KSR2: variants seen among roughly 807,000 people sequenced by gnomAD.
The protein encoded by KSR2 is kinase suppressor of ras 2.
KSR2 carries 25 observed loss-of-function variants against 107.8 expected under a neutral mutation model. The ratio of observed to expected loss-of-function variants is 0.23; its 90% CI spans 0.17 to 0.32. KSR2 has a LOEUF of 0.32. Ranked by LOEUF, KSR2 falls within the 10% of genes least tolerant of loss-of-function variation. The pLI is 1.00. For synonymous variants in KSR2, 480 were observed against 507.0 expected (o/e 0.95, Z 0.71); for missense variants, 887 against 1,268.9 (o/e 0.70, Z 4.57).
intron 3 of KSR2, among the ~76,000 whole-genome samples, chr12:117,779,150 G>C (rs1360207213): frequency 1.3e-5 from 2 of 152,162 alleles, no homozygotes; most frequent in Non-Finnish European, 2.9e-5. Flanking sequence ...ACATAGTCTT[G>C]ACCTAGAGGC....
At chr12:117,953,057 C>A (rs1040792479) in intron 1 of KSR2, among the ~76,000 whole-genome samples, 3 of 151,318 alleles carry the variant, frequency 2.0e-5, no homozygotes, top group Non-Finnish European at 2.9e-5. Context: ...TCCAAAGAAG[C>A]TATACAGATG....
At chr12:117,535,027 T>C (rs1360000039) in intron 10 of KSR2, among the ~76,000 whole-genome samples, 20 of 152,200 alleles carry the variant, frequency 1.3e-4, no homozygotes, top group Admixed American at 1.3e-3. Context: ...TGTGTGCTTT[T>C]AAGCCACAAA....
chr12:117,633,091 C>T (rs552975509), intron 5 of KSR2, among the ~76,000 whole-genome samples: 7 of 152,252 alleles, frequency 4.6e-5, no homozygotes, highest in Non-Finnish European at 8.8e-5. Flanking sequence ...TGGAGCATAC[C>T]CCTTTTGCAT....
At chr12:117,859,297 C>A (rs1893205243) in intron 2 of KSR2, among the ~76,000 whole-genome samples, 1 of 151,772 alleles carries the variant, frequency 6.6e-6, no homozygotes, top group Non-Finnish European at 1.5e-5. Flanking sequence ...AGGCGTGCAC[C>A]ACCATGCCCG....
chr12:117,811,463 G>A (rs1322740742), intron 3 of KSR2, among the ~76,000 whole-genome samples: 1 of 152,202 alleles, frequency 6.6e-6, no homozygotes, highest in East Asian at 1.9e-4. Context: ...CCAGACATAT[G>A]GAGTCAGAAA....
At chr12:117,707,039 T>C (rs1425415996) in intron 4 of KSR2, among the ~76,000 whole-genome samples, 1 of 152,218 alleles carries the variant, frequency 6.6e-6, no homozygotes, top group Admixed American at 6.5e-5. Context: ...TGTGTGTGTG[T>C]GCAAAATGGA....
At chr12:117,671,747 G>T (rs1002231) in intron 4 of KSR2, among the ~76,000 whole-genome samples, 2 of 151,986 alleles carry the variant, frequency 1.3e-5, no homozygotes, top group African/African-American at 4.8e-5. Context: ...GCTTAAGAGC[G>T]CTTGGTTCAA....
At chr12:117,596,993 A>C (rs911788454) in intron 5 of KSR2, among the ~76,000 whole-genome samples, 2 of 152,058 alleles carry the variant, frequency 1.3e-5, no homozygotes, top group African/African-American at 4.8e-5. Flanking sequence ...TCTTCCATAC[A>C]CCGTTTTTGG....
In KSR2 at chr12:117,524,937, T is replaced by C; in HGVS notation, c.2134A>G (p.Met712Val). 1 of 1,613,900 alleles carries C rather than the reference T, an allele frequency of 6.2e-7. No homozygotes were observed. The highest frequency in any genetic ancestry group is 8.5e-7 in the Non-Finnish European group (1 of 1,179,866). The change falls in exon 14 of 20, where the codon ATG (methionine) becomes GTG (valine). Residue 712 changes from methionine (M) to valine (V), a missense_variant. By Grantham distance (21) the Met-to-Val change is conservative. Coordinates refer to ENST00000339824, the MANE Select transcript of KSR2 (RefSeq NM_173598.6). ...TCATGCCGTGTCTGCCTGTAGGCCA[T>C]CACCTCCCGCTTGAAGGCCTTGAGC... The part of the protein sequence containing the change: ...DQLKAFKREV[M>V]AYRQTRHENV...
chr12:117,802,958 C>T (rs1406799310), intron 3 of KSR2, among the ~76,000 whole-genome samples: 1 of 152,232 alleles, frequency 6.6e-6, no homozygotes, highest in African/African-American at 2.4e-5. Context: ...TGCCATTTGA[C>T]TGATAATTGC....
chr12:117,723,849 T>C (rs1887307373), intron 4 of KSR2, among the ~76,000 whole-genome samples: 1 of 152,178 alleles, frequency 6.6e-6, no homozygotes, highest in Non-Finnish European at 1.5e-5. Flanking sequence ...GTTATGCAAA[T>C]AACATTTATT....
At chr12:117,738,078 A>G (rs1888013787) in intron 4 of KSR2, among the ~76,000 whole-genome samples, 1 of 152,174 alleles carries the variant, frequency 6.6e-6, no homozygotes, top group Admixed American at 6.5e-5. Flanking sequence ...TATTGGGCAG[A>G]AGACAACACT....
chr12:117,454,225 G>T lies in KSR2; in HGVS notation c.*12974C>A, dbSNP rs531377082. The T allele has an allele frequency of 6.6e-6, 1 of 152,284 alleles. No individual in the cohort carries two copies. The highest frequency in any genetic ancestry group is 2.1e-4 in the South Asian group (1 of 4,814). The allele number at this position is 152,284 out of a possible 1,614,324, so 9.4% of individuals were successfully genotyped here. A position where few individuals can be genotyped will look rare whatever the true frequency, so the allele number is the denominator to read the frequency against. On this transcript the variant is annotated 3_prime_UTR_variant, in exon 20 of 20. Coordinates refer to ENST00000339824, the MANE Select transcript of KSR2 (RefSeq NM_173598.6). ...ATTCACTCCCTCCAATAAACTCAAG[G>T]GTTAGTGATATATTAAGTGCTCGTG... is the stretch of plus-strand genomic sequence containing the variant.
intron 9 of KSR2, among the ~76,000 whole-genome samples, chr12:117,548,033 G>C (rs1041480570): frequency 6.6e-6 from 1 of 152,044 alleles, no homozygotes; most frequent in Non-Finnish European, 1.5e-5. Flanking sequence ...GGAAGCAGAG[G>C]TTGCAGTAAG....
chr12:117,909,079 G>A (rs1210446036), intron 1 of KSR2, among the ~76,000 whole-genome samples: 2 of 151,814 alleles, frequency 1.3e-5, no homozygotes, highest in East Asian at 3.9e-4. Context: ...ACCAATATGC[G>A]TGTCCTTATA....
At chr12:117,724,033 G>A (rs889767762) in intron 4 of KSR2, among the ~76,000 whole-genome samples, 4 of 151,978 alleles carry the variant, frequency 2.6e-5, no homozygotes, top group Admixed American at 6.6e-5. Context: ...CGGGCTGGGC[G>A]TAGTGGCTCA....
intron 1 of KSR2, among the ~76,000 whole-genome samples, chr12:117,958,277 A>C (rs1896571050): frequency 2.0e-5 from 3 of 152,116 alleles, no homozygotes; most frequent in Admixed American, 2.0e-4. Context: ...CAAAACACTC[A>C]CACTCAAAAA....
intron 5 of KSR2, among the ~76,000 whole-genome samples, chr12:117,617,433 TTCTC>T (rs1350593359): frequency 1.3e-5 from 2 of 152,214 alleles, no homozygotes; most frequent in Non-Finnish European, 1.5e-5. Context: ...TCTGCTGTAA[TTCTC>T]TATCTAGTCA....
chr12:117,599,437 C>G (rs1164395007), intron 5 of KSR2, among the ~76,000 whole-genome samples: 16 of 152,080 alleles, frequency 1.1e-4, no homozygotes, highest in Admixed American at 1.0e-3. Flanking sequence ...GCATTTCTAA[C>G]AAGTTCTAGA....
Sources: allele counts gnomAD v4.1 joint callset (sites outside exome capture counted in the v4.1 genomes callset), GRCh38; gene constraint gnomAD v4.1.1; transcripts MANE v1.5; gene names NCBI Gene and HGNC (gene_info 2026-07-23, HGNC 2026-07-21).